Variants in TMEM266 observed in about 807,000 individuals in gnomAD.
TMEM266 encodes the protein transmembrane protein 266.
A neutral mutation model predicts 50.5 loss-of-function variants in TMEM266; 33 were observed. The ratio of observed to expected loss-of-function variants is 0.65; its 90% confidence interval spans 0.50 to 0.87. TMEM266 has a LOEUF of 0.87. Among genes scored for constraint, TMEM266 ranks in the 40% least tolerant of loss-of-function variants. The pLI is 0.00. For missense variants in TMEM266, 655 were observed against 695.1 expected, an observed-to-expected ratio of 0.94 and a Z score of 0.65; for synonymous variants, 310 against 292.3, an observed-to-expected ratio of 1.06 and a Z score of -0.62.
At chr15:76,194,393 C>G (rs1304667539) in intron 9 of TMEM266, among the ~76,000 whole-genome samples, 2 of 152,226 alleles carry the variant, frequency 1.3e-5, no homozygotes, top group Admixed American at 6.5e-5. Flanking sequence ...TCCCCTCCCC[C>G]ACCATACCGT....
At chr15:76,198,366 A>G (rs966760836) in intron 9 of TMEM266, among the ~76,000 whole-genome samples, 3 of 148,292 alleles carry the variant, frequency 2.0e-5, no homozygotes, top group Admixed American at 2.0e-4. Context: ...TCAGGGCTGA[A>G]TCAAAGCAAA....
intron 1 of TMEM266, among the ~76,000 whole-genome samples, chr15:76,104,545 G>A (rs1472473415): frequency 1.3e-5 from 2 of 152,202 alleles, no homozygotes; most frequent in South Asian, 2.1e-4. Context: ...GGGGCCCGGC[G>A]CGGTGGCTCA....
intron 8 of TMEM266, among the ~76,000 whole-genome samples, chr15:76,179,573 C>A (rs2038363000): frequency 6.6e-6 from 1 of 152,134 alleles, no homozygotes; most frequent in Admixed American, 6.5e-5. Flanking sequence ...TCAGATTATG[C>A]ATGGGGTATT....
intron 1 of TMEM266, among the ~76,000 whole-genome samples, chr15:76,090,344 T>G (rs952621779): frequency 5.3e-5 from 8 of 151,886 alleles, no homozygotes; most frequent in Admixed American, 3.9e-4. Context: ...ATACAAAAAT[T>G]AGCCAGGCAT....
chr15:76,150,224 C>T (rs2037817365), intron 3 of TMEM266, among the ~76,000 whole-genome samples: 1 of 152,176 alleles, frequency 6.6e-6, no homozygotes, highest in East Asian at 1.9e-4. Flanking sequence ...TGCTGGAGAG[C>T]TCTGCAGTCC....
intron 10 of TMEM266, among the ~76,000 whole-genome samples, chr15:76,203,313 TAAAC>T (rs958230286): frequency 5.9e-5 from 9 of 152,090 alleles, no homozygotes; most frequent in African/African-American, 1.7e-4. Context: ...CTCGATGGTT[TAAAC>T]AAACAAAGCC....
intron 3 of TMEM266, among the ~76,000 whole-genome samples, chr15:76,151,916 T>C (rs2037850920): frequency 6.6e-6 from 1 of 152,272 alleles, no homozygotes; most frequent in South Asian, 2.1e-4. Context: ...TCCACCTTGA[T>C]TGCACACTGG....
intron 1 of TMEM266, among the ~76,000 whole-genome samples, chr15:76,079,171 G>A (rs961381075): frequency 1.3e-5 from 2 of 152,088 alleles, no homozygotes; most frequent in African/African-American, 4.8e-5. Context: ...TGGCCAACAT[G>A]GTAAAAACCC....
intron 1 of TMEM266, among the ~76,000 whole-genome samples, chr15:76,079,834 G>T (rs1378362931): frequency 6.6e-6 from 1 of 151,722 alleles, no homozygotes; most frequent in East Asian, 1.9e-4. Context: ...AGGGCGGTGG[G>T]GGGGTGGGGG....
chr15:76,183,330 G>T (rs1400746149), intron 8 of TMEM266, among the ~76,000 whole-genome samples: 2 of 151,964 alleles, frequency 1.3e-5, no homozygotes, highest in Non-Finnish European at 2.9e-5. Flanking sequence ...TGGCCAGGCT[G>T]GTCTCGAACT....
At chr15:76,090,885 G>A (rs1423838158) in intron 1 of TMEM266, among the ~76,000 whole-genome samples, 1 of 152,134 alleles carries the variant, frequency 6.6e-6, no homozygotes, top group Non-Finnish European at 1.5e-5. Context: ...GTAATCTATT[G>A]TATATTTTCC....
intron 1 of TMEM266, among the ~76,000 whole-genome samples, chr15:76,124,650 T>C (rs928767339): frequency 3.9e-5 from 6 of 151,938 alleles, no homozygotes; most frequent in Admixed American, 3.9e-4. Flanking sequence ...AAATTCAAAA[T>C]TATCCAAGCA....
intron 1 of TMEM266, among the ~76,000 whole-genome samples, chr15:76,128,336 G>GC (rs2037455669): frequency 6.6e-6 from 1 of 152,142 alleles, no homozygotes; most frequent in Non-Finnish European, 1.5e-5. Flanking sequence ...GCCTTTTTCA[G>GC]CCCTAAAATT....
intron 1 of TMEM266, among the ~76,000 whole-genome samples, chr15:76,060,571 C>T (rs1320374017): frequency 6.6e-6 from 1 of 152,176 alleles, no homozygotes; most frequent in South Asian, 2.1e-4. Flanking sequence ...GGGTCTTCAC[C>T]GTCAGGCCAG....
At chr15:76,131,368 C>T (rs1328954344) in intron 1 of TMEM266, among the ~76,000 whole-genome samples, 1 of 152,202 alleles carries the variant, frequency 6.6e-6, no homozygotes, top group Non-Finnish European at 1.5e-5. Context: ...GAGCGAAACT[C>T]TGTCTCAAAC....
chr15:76,170,015 G>A (rs949265601), intron 6 of TMEM266, 143 bp downstream of exon 6: 13 of 756,920 alleles, frequency 1.7e-5, no homozygotes, highest in South Asian at 3.3e-5. Context: ...TGCATGTTGG[G>A]TGGGGCAGGG....
intron 1 of TMEM266, among the ~76,000 whole-genome samples, chr15:76,118,451 C>T (rs2037286692): frequency 1.3e-5 from 2 of 152,128 alleles, no homozygotes; most frequent in Admixed American, 6.5e-5. Context: ...CCCAGCAACT[C>T]GGGAGGCTAA....
At position 76,160,722 on chromosome 15, in the gene TMEM266, G is replaced by A. The variant is rs1488169753; in HGVS notation, c.456+554G>A. On this transcript the variant is annotated intron_variant, in intron 5 of 10. Coordinates refer to ENST00000388942, the MANE Select transcript of TMEM266 (RefSeq NM_152335.3). The surrounding 1 kb of genome is among the most constrained non-coding windows in gnomAD (Gnocchi z 5.7). ...AAGATGTGCCTCTCAGTGTGAGTGC[G>A]AGGCTGTATTTCCGAGGTGGGGGCT... Among the ~76,000 whole-genome samples the A allele has an allele frequency of 3.3e-5, 5 of 152,202 alleles. No homozygotes were observed. Among genetic ancestry groups the A allele is most frequent in the African/African-American group, 7.2e-5 (3 of 41,454 alleles).
At chr15:76,180,506 C>A (rs2142070616) in intron 8 of TMEM266, among the ~76,000 whole-genome samples, 1 of 151,902 alleles carries the variant, frequency 6.6e-6, no homozygotes, top group East Asian at 1.9e-4. Flanking sequence ...GACACACTGG[C>A]CACGTGACTT....
Sources: allele counts gnomAD v4.1 joint callset (sites outside exome capture counted in the v4.1 genomes callset), GRCh38; gene constraint gnomAD v4.1.1; non-coding constraint Gnocchi (gnomAD v3.1); transcripts MANE v1.5; gene names NCBI Gene and HGNC (gene_info 2026-07-23, HGNC 2026-07-21).